The following CADM2 variants were observed in gnomAD, a reference collection of about 807,000 sequenced individuals.
The protein encoded by CADM2 is immunoglobulin superfamily member 4D.
In CADM2, 12 loss-of-function variants were observed where a neutral mutation model predicts 49.8. The observed-to-expected ratio is 0.24, with a 90% CI of 0.15 to 0.39. The LOEUF is 0.39. Ranked by LOEUF, CADM2 falls within the 10% of genes least tolerant of loss-of-function variation. The pLI, the probability that CADM2 is intolerant of heterozygous loss-of-function variation, is 1.00. For missense variants in CADM2, 378 were observed against 492.3 expected, an observed-to-expected ratio of 0.77 and a Z score of 2.20; for synonymous variants, 214 against 175.4, an observed-to-expected ratio of 1.22 and a Z score of -1.74.
At chr3:85,349,197 G>C (rs1210197633) in intron 1 of CADM2, among the ~76,000 whole-genome samples, 2 of 152,116 alleles carry the variant, frequency 1.3e-5, no homozygotes, top group African/African-American at 2.4e-5. Flanking sequence ...ATTGTTTTCT[G>C]TTCACACAGC....
At chr3:85,579,987 A>C (rs184727755) in intron 1 of CADM2, among the ~76,000 whole-genome samples, 3 of 152,332 alleles carry the variant, frequency 2.0e-5, no homozygotes, top group South Asian at 2.1e-4. Flanking sequence ...TGTTCTATAC[A>C]TGCCTTAGAA....
At chr3:85,430,957 G>A (rs993681030) in intron 1 of CADM2, among the ~76,000 whole-genome samples, 1 of 152,112 alleles carries the variant, frequency 6.6e-6, no homozygotes, top group Non-Finnish European at 1.5e-5. Flanking sequence ...TATTTAATAA[G>A]GTTAACAAGA....
intron 1 of CADM2, among the ~76,000 whole-genome samples, chr3:85,380,670 G>A (rs1048233505): frequency 5.9e-5 from 9 of 151,770 alleles, no homozygotes; most frequent in Admixed American, 2.6e-4. Context: ...CAGGTAAACC[G>A]TAACATGTTC....
intron 1 of CADM2, among the ~76,000 whole-genome samples, chr3:85,187,970 G>C (rs1344702609): frequency 1.3e-5 from 2 of 151,786 alleles, no homozygotes; most frequent in African/African-American, 4.8e-5. Flanking sequence ...GTAAGTTACA[G>C]TTGATGCTAT....
rs1438800436 is a variant in CADM2 at position 85,447,896 on chromosome 3, T to TA, written c.62-278625dup. Among the ~76,000 whole-genome samples, 8 of 152,306 alleles carry TA rather than the reference T, an allele frequency of 5.3e-5. No homozygotes were observed. In the South Asian group the frequency reaches 1.2e-3, roughly 24 times the overall value. ...TTTTTGACAGTGCAATAATGATTCT[T>TA]ATTTGTCTTTGGCTAAGACAAAGCA... On this transcript the variant is annotated intron_variant, in intron 1 of 9. Transcript: ENST00000383699.
chr3:85,785,813 T>A lies in CADM2; in HGVS notation c.89-16234T>A, dbSNP rs556310830. 2.0e-5 allele frequency among the ~76,000 whole-genome samples: 3 copies of A among 151,800 alleles called. No homozygotes were observed. The South Asian group carries it at 6.2e-4, about 31-fold the overall frequency. ...CGAAATTCTTCCATCAGCTTCCATT[T>A]TCTTGTACAACTAAATCTAATCAAT... On this transcript the variant is annotated intron_variant, in intron 2 of 9. Transcript: ENST00000383699.
chr3:85,156,048 A>G lies in CADM2; in HGVS notation c.61+196380A>G, dbSNP rs562735479. Among the ~76,000 whole-genome samples, 3 of 152,300 alleles carry G rather than the reference A, an allele frequency of 2.0e-5. No homozygotes were observed. In the East Asian group the frequency reaches 5.8e-4, roughly 29 times the overall value. On this transcript the variant is annotated intron_variant, in intron 1 of 9. Transcript: ENST00000383699. Reference sequence around the variant, plus strand: ...CCCTGGCCAAAATTGACACCCTAACATCACAATTAAAAGAACTAGAAAAAC... The same window carrying G: ...CCCTGGCCAAAATTGACACCCTAACGTCACAATTAAAAGAACTAGAAAAAC...
intron 3 of CADM2, among the ~76,000 whole-genome samples, chr3:85,847,115 G>A (rs959477327): frequency 2.6e-5 from 4 of 152,164 alleles, no homozygotes; most frequent in Non-Finnish European, 5.9e-5. Context: ...TACCAGTAAT[G>A]ATGTTGACAT....
chr3:85,707,652 T>C (rs377567827), intron 1 of CADM2, among the ~76,000 whole-genome samples: 3 of 152,286 alleles, frequency 2.0e-5, no homozygotes, highest in African/African-American at 7.2e-5. Flanking sequence ...CAACTTTCTC[T>C]TGGAGACACC....
At chr3:85,943,589 G>C (rs932437244) in intron 7 of CADM2, among the ~76,000 whole-genome samples, 2 of 151,848 alleles carry the variant, frequency 1.3e-5, no homozygotes, top group Non-Finnish European at 2.9e-5. Context: ...TTATTAAATA[G>C]AGTCAATCCT....
chr3:86,036,536 G>C (rs747671566), intron 8 of CADM2, among the ~76,000 whole-genome samples: 1 of 151,888 alleles, frequency 6.6e-6, no homozygotes, highest in African/African-American at 2.4e-5. Flanking sequence ...TCTCTCCAAG[G>C]TGTTGGACTG....
chr3:85,484,616 A>C (rs1247132904), intron 1 of CADM2, among the ~76,000 whole-genome samples: 1 of 151,954 alleles, frequency 6.6e-6, no homozygotes, highest in Non-Finnish European at 1.5e-5. Flanking sequence ...TATCCATTCA[A>C]GTCAAATGAC....
chr3:85,954,570 TCTC>T (rs745602419), intron 7 of CADM2, among the ~76,000 whole-genome samples: 50 of 151,180 alleles, frequency 3.3e-4, no homozygotes, highest in Non-Finnish European at 6.1e-4. Context: ...TTTCTCCTCT[TCTC>T]CTTTTTTCTT....
chr3:85,197,672 GATT>G (rs924673441), intron 1 of CADM2, among the ~76,000 whole-genome samples: 5 of 151,890 alleles, frequency 3.3e-5, no homozygotes, highest in African/African-American at 1.2e-4. Context: ...CCATTTGGGG[GATT>G]TAATATACCC....
intron 1 of CADM2, among the ~76,000 whole-genome samples, chr3:85,521,656 A>T (rs73128385): frequency 0.013 from 2,039 of 152,302 alleles, 18 homozygotes; most frequent in Non-Finnish European, 0.022. Context: ...CACAATGGGC[A>T]TTTAAGATAA....
intron 8 of CADM2, among the ~76,000 whole-genome samples, chr3:85,988,406 C>T (rs1263587287): frequency 6.6e-6 from 1 of 152,108 alleles, no homozygotes; most frequent in Non-Finnish European, 1.5e-5. Flanking sequence ...ATGTACATAA[C>T]ATTTATACAG....
chr3:85,302,209 G>A (rs186728724), intron 1 of CADM2, among the ~76,000 whole-genome samples: 113 of 152,168 alleles, frequency 7.4e-4, no homozygotes, highest in Non-Finnish European at 1.3e-4. Context: ...AGTCTGAACA[G>A]CCTATTTTCG....
chr3:85,481,960 A>C (rs2039231875), intron 1 of CADM2, among the ~76,000 whole-genome samples: 1 of 151,714 alleles, frequency 6.6e-6, no homozygotes, highest in African/African-American at 2.4e-5. Context: ...ATAAACAGAG[A>C]TCAATGGGAC....
chr3:85,834,148 A>G (rs1473598769), intron 3 of CADM2, among the ~76,000 whole-genome samples: 2 of 151,678 alleles, frequency 1.3e-5, no homozygotes, highest in African/African-American at 4.8e-5. Flanking sequence ...TCTTAACATG[A>G]AGACAGAAAT....
Sources: allele counts gnomAD v4.1 joint callset (sites outside exome capture counted in the v4.1 genomes callset), GRCh38; gene constraint gnomAD v4.1.1; transcripts MANE v1.5; gene names NCBI Gene and HGNC (gene_info 2026-07-23, HGNC 2026-07-21).